The following GRIA4 variants were observed in gnomAD, a reference collection of about 807,000 sequenced individuals.
GRIA4 encodes the protein glutamate ionotropic receptor AMPA type subunit 4.
GRIA4 carries 34 observed loss-of-function variants against 104.0 expected under a neutral mutation model. That is an observed-to-expected ratio of 0.33 (90% CI 0.25 to 0.44). The LOEUF (loss-of-function observed/expected upper bound fraction) is 0.44. GRIA4 is among the 20% of genes least tolerant of loss of function. The probability of loss-of-function intolerance (pLI) is 1.00; values close to 1 mark genes in which losing one functional copy is unlikely to be tolerated. For synonymous variants in GRIA4, 386 were observed against 381.9 expected, an observed-to-expected ratio of 1.01 and a Z score of -0.13; for missense variants, 750 against 1,096.5, an observed-to-expected ratio of 0.68 and a Z score of 4.46.
intron 3 of GRIA4, among the ~76,000 whole-genome samples, chr11:105,627,350 G>A (rs186997928): frequency 2.0e-5 from 3 of 152,192 alleles, no homozygotes; most frequent in East Asian, 1.9e-4. Flanking sequence ...ACAGCACTGC[G>A]AGGCAGGGAG....
chr11:105,926,938 G>A lies in GRIA4; in HGVS notation c.2045G>A (p.Arg682Lys). The change falls in exon 13 of 17, where the codon AGA (arginine) becomes AAA (lysine). Residue 682 changes from arginine to lysine, a missense_variant and splice_region_variant. By Grantham distance (26) the Arg-to-Lys change is conservative. This residue lies in a region of GRIA4 where 272 missense variants were observed against 524.5 expected (regional missense o/e 0.52). Coordinates refer to ENST00000282499, the MANE Select transcript of GRIA4 (RefSeq NM_000829.4). ...LDSGSTKEFF[R>K]RSKIAVYEKM... ...TCAGGATCAACAAAAGAATTCTTCA[G>A]AGTAAGTTAAGGGAAAAACTAAAAA... 6.2e-7 allele frequency: 1 copy of A among 1,601,022 alleles called. No individual in the cohort carries two copies. The highest frequency in any genetic ancestry group is 8.6e-7 in the Non-Finnish European group (1 of 1,168,998).
Position 105,980,109 on chromosome 11 carries a change from C to T in GRIA4, c.*370C>T, listed in dbSNP as rs1859198824. 1 of 172,062 alleles carries T rather than the reference C, an allele frequency of 5.8e-6. No individual in the cohort carries two copies. The highest frequency in any genetic ancestry group is 1.3e-5 in the Non-Finnish European group (1 of 79,660). 10.7% of individuals were successfully genotyped at this position (172,062 alleles called of 1,614,324 possible). ...TCTTGCTCAGAAAGGCCTTTGTCTTCACCGGAAAGGATAAAATAGTTGTAG... is the reference window on the plus strand; with the variant it reads ...TCTTGCTCAGAAAGGCCTTTGTCTTTACCGGAAAGGATAAAATAGTTGTAG... On this transcript the variant is annotated 3_prime_UTR_variant, in exon 17 of 17. Coordinates refer to ENST00000282499, the MANE Select transcript of GRIA4 (RefSeq NM_000829.4).
chr11:105,921,912 A>G (rs1947576587), intron 11 of GRIA4, among the ~76,000 whole-genome samples: 1 of 152,116 alleles, frequency 6.6e-6, no homozygotes, highest in African/African-American at 2.4e-5. Context: ...AATACATAAT[A>G]TTGATAGGAA....
chr11:105,684,100 C>A (rs1952794833), intron 3 of GRIA4, among the ~76,000 whole-genome samples: 1 of 152,068 alleles, frequency 6.6e-6, no homozygotes, highest in Admixed American at 6.6e-5. Flanking sequence ...TCTCAAACCT[C>A]TGGCCTCAGG....
intron 4 of GRIA4, among the ~76,000 whole-genome samples, chr11:105,781,729 A>C (rs1369675774): frequency 3.9e-5 from 6 of 152,284 alleles, no homozygotes; most frequent in East Asian, 3.9e-4. Flanking sequence ...AGACACAAAA[A>C]TATGCAGTGC....
chr11:105,797,292 C>T (rs1413347477), intron 4 of GRIA4, among the ~76,000 whole-genome samples: 3 of 151,920 alleles, frequency 2.0e-5, no homozygotes, highest in African/African-American at 2.4e-5. Flanking sequence ...AAAAACAAGG[C>T]GTAAGCAAAG....
chr11:105,792,838 A>G lies in GRIA4; in HGVS notation c.487+39618A>G, dbSNP rs1248129297. The stretch of plus-strand genomic sequence containing the variant: ...TAGTTTAGAGCAGGAGACAGACCCT[A>G]AATGAGTATTTAATATTGCATCTGG... On this transcript the variant is annotated intron_variant, in intron 4 of 16. Coordinates refer to ENST00000282499, the MANE Select transcript of GRIA4 (RefSeq NM_000829.4). Among the ~76,000 whole-genome samples, 3 of 152,282 alleles carry G rather than the reference A, an allele frequency of 2.0e-5. No individual in the cohort carries two copies. The East Asian group carries it at 5.8e-4, about 29-fold the overall frequency.
chr11:105,627,339 G>A, intron 3 of GRIA4, among the ~76,000 whole-genome samples: 1 of 152,062 alleles, frequency 6.6e-6, no homozygotes, highest in Non-Finnish European at 1.5e-5. Flanking sequence ...AGAGGGACTG[G>A]ACAGCACTGC....
chr11:105,842,202 A>G (rs1007261141), intron 4 of GRIA4, among the ~76,000 whole-genome samples: 7 of 152,148 alleles, frequency 4.6e-5, no homozygotes, highest in Admixed American at 1.3e-4. Context: ...TGACCAGAAT[A>G]GAGTGAGCAA....
At chr11:105,670,957 A>G (rs972014814) in intron 3 of GRIA4, among the ~76,000 whole-genome samples, 19 of 152,116 alleles carry the variant, frequency 1.2e-4, no homozygotes, top group African/African-American at 4.1e-4. Context: ...TCTAGAGGCT[A>G]CCTCATTGCT....
chr11:105,778,513 T>A (rs1941558076), intron 4 of GRIA4, among the ~76,000 whole-genome samples: 1 of 152,210 alleles, frequency 6.6e-6, no homozygotes, highest in South Asian at 2.1e-4. Flanking sequence ...GAGACCAGCC[T>A]GACCAACATG....
intron 3 of GRIA4, among the ~76,000 whole-genome samples, chr11:105,679,238 A>T (rs1952635529): frequency 6.6e-6 from 1 of 152,140 alleles, no homozygotes. Flanking sequence ...TTGGATGAGA[A>T]CCAACCACGT....
At chr11:105,724,892 ATTGT>A (rs1013644427) in intron 3 of GRIA4, among the ~76,000 whole-genome samples, 5 of 152,166 alleles carry the variant, frequency 3.3e-5, no homozygotes, top group African/African-American at 1.2e-4. Context: ...GGAAAAAAAC[ATTGT>A]TTGATTACAT....
chr11:105,623,768 T>C (rs1219799803), intron 3 of GRIA4, among the ~76,000 whole-genome samples: 2 of 150,692 alleles, frequency 1.3e-5, no homozygotes, highest in African/African-American at 2.4e-5. Context: ...ATGATCATCT[T>C]TTTTTTATCA....
At chr11:105,841,950 C>G (rs547882357) in intron 4 of GRIA4, among the ~76,000 whole-genome samples, 1 of 152,118 alleles carries the variant, frequency 6.6e-6, no homozygotes, top group Non-Finnish European at 1.5e-5. Context: ...TACTGAGTAC[C>G]TACTATGTAC....
chr11:105,616,921 G>A (rs1202332345), intron 3 of GRIA4, among the ~76,000 whole-genome samples: 1 of 151,246 alleles, frequency 6.6e-6, no homozygotes, highest in African/African-American at 2.4e-5. Context: ...AAAGATATGA[G>A]TCATATTCTT....
chr11:105,882,472 C>T (rs756362363), intron 5 of GRIA4, among the ~76,000 whole-genome samples: 14 of 152,130 alleles, frequency 9.2e-5, no homozygotes, highest in Non-Finnish European at 1.6e-4. Flanking sequence ...GATTAAAGGC[C>T]AAACTATCAT....
rs1261660124 is a variant in GRIA4 at position 105,905,177 on chromosome 11, T to C, written c.1054-20T>C. On this transcript the variant is annotated intron_variant, in intron 8 of 16. Transcript: ENST00000282499. ...AAGTGAAATTGCAAGTGAACACGTG[T>C]GGTTTTCTTTTTCACTTAGGTTCGA... 3.0e-6 allele frequency: 4 copies of C among 1,343,058 alleles called. No homozygotes were observed. The highest frequency in any genetic ancestry group is 4.3e-6 in the Non-Finnish European group (4 of 933,570). The allele number at this position is 1,343,058 out of a possible 1,614,324, so 83.2% of individuals were successfully genotyped here. A position where few individuals can be genotyped will look rare whatever the true frequency, so the allele number is the denominator to read the frequency against.
At chr11:105,724,670 T>C (rs1938077809) in intron 3 of GRIA4, among the ~76,000 whole-genome samples, 1 of 152,064 alleles carries the variant, frequency 6.6e-6, no homozygotes, top group South Asian at 2.1e-4. Context: ...TGATAAGAAA[T>C]TACTTAATGA....
Sources: allele counts gnomAD v4.1 joint callset (sites outside exome capture counted in the v4.1 genomes callset), GRCh38; gene constraint gnomAD v4.1.1; regional missense constraint gnomAD v4.1.1; transcripts MANE v1.5; gene names NCBI Gene and HGNC (gene_info 2026-07-23, HGNC 2026-07-21).